CACNA1B: variants seen among roughly 807,000 people sequenced by gnomAD.
The protein encoded by CACNA1B is voltage-dependent N-type calcium channel subunit alpha-1B.
Under a neutral mutation model 247.2 loss-of-function variants are expected in CACNA1B, and 70 were observed. The ratio of observed to expected loss-of-function variants is 0.28; its 90% CI spans 0.23 to 0.35. The LOEUF is 0.35. CACNA1B is among the 10% of genes least tolerant of loss of function. The pLI is 1.00. For synonymous variants in CACNA1B, 1,231 were observed against 1,294.4 expected (o/e 0.95, Z 1.05); for missense variants, 2,367 against 3,197.4 (o/e 0.74, Z 6.26).
rs1019321107 is a variant in CACNA1B, at chr9:138,120,088, C to T, written c.6031-77C>T. On this transcript the variant is annotated intron_variant, in intron 44 of 46. Transcript: ENST00000371372. The stretch of plus-strand genomic sequence containing the variant: ...TGTGGGCCTGCTGTCTGGCCTGCTC[C>T]ACCACCCACTTCCATGCCTGCATTC... 199 of 1,268,896 alleles carry T rather than the reference C, an allele frequency of 1.6e-4. 1 individual carries two copies. In the East Asian group the frequency reaches 5.0e-3, roughly 32 times the overall value. The allele number at this position is 1,268,896 out of a possible 1,614,324, so 78.6% of individuals were successfully genotyped here. A position where few individuals can be genotyped will look rare whatever the true frequency, so the allele number is the denominator to read the frequency against.
At chr9:138,006,641 T>TGTGC in intron 15 of CACNA1B, 126 bp from the exon 16 acceptor site, 1 of 656,328 alleles carries the variant, frequency 1.5e-6, no homozygotes, top group Admixed American at 2.2e-5. Context: ...AAGACCTGGA[T>TGTGC]GTGCATGTGT....
intron 3 of CACNA1B, among the ~76,000 whole-genome samples, chr9:137,898,589 T>C (rs983413548): frequency 1.3e-5 from 2 of 152,116 alleles, no homozygotes; most frequent in Non-Finnish European, 2.9e-5. Context: ...TGCTGCAGCC[T>C]CCACCTTCCA....
At position 137,922,159 on chromosome 9, in the gene CACNA1B, A is replaced by G. The variant is rs182309208; in HGVS notation, c.966+4728A>G. The stretch of plus-strand genomic sequence containing the variant: ...GTAAAGTGCTCGGAGAACATGATCA[A>G]CACCACACCGCACAGCATCCTGGGA... On this transcript the variant is annotated intron_variant, in intron 6 of 46. Coordinates refer to ENST00000371372, the MANE Select transcript of CACNA1B (RefSeq NM_000718.4). Among the ~76,000 whole-genome samples the G allele has an allele frequency of 2.0e-3, 232 of 114,386 alleles. 1 individual carries two copies. The highest frequency in any genetic ancestry group is 4.8e-3 in the Admixed American group (48 of 9,910). The allele number at this position is 114,386 out of a possible 152,430, so 75.0% of individuals were successfully genotyped here.
Position 138,011,111 on chromosome 9 carries a change from C to T in CACNA1B, c.2160+1034C>T, listed in dbSNP as rs1958718804. 6.6e-6 allele frequency among the ~76,000 whole-genome samples: 1 copy of T among 152,222 alleles called. No individual in the cohort carries two copies. Among genetic ancestry groups the T allele is most frequent in the African/African-American group, 2.4e-5 (1 of 41,454 alleles). On this transcript the variant is annotated intron_variant, in intron 17 of 46. Transcript: ENST00000371372. The surrounding 1 kb of genome is among the most constrained non-coding windows in gnomAD (Gnocchi z 4.2). ...CCTATGCCTAGGGGCCCGGATTCCT[C>T]CCTGGCGCTCTGGTTTCTGGCTTCT...
Position 138,102,918 on chromosome 9 carries a change from G to C in CACNA1B, c.5319+111G>C, listed in dbSNP as rs1046190431. ...TTTCAGGGTGCCCGGCTGTCTGTCT[G>C]CCGCTCTGCTGTGCGCCCCCGGCTG... On this transcript the variant is annotated intron_variant, in intron 38 of 46. Coordinates refer to ENST00000371372, the MANE Select transcript of CACNA1B (RefSeq NM_000718.4). This position sits in a 1 kb window ranked among gnomAD's most constrained non-coding sequence, Gnocchi z 5.4. The C allele has an allele frequency of 3.1e-6, 2 of 655,004 alleles. No individual in the cohort carries two copies. Among genetic ancestry groups the C allele is most frequent in the African/African-American group, 3.6e-5 (2 of 54,810 alleles). 40.6% of individuals were successfully genotyped at this position (655,004 alleles called of 1,614,324 possible). A position where few individuals can be genotyped will look rare whatever the true frequency, so the allele number is the denominator to read the frequency against.
intron 11 of CACNA1B, among the ~76,000 whole-genome samples, chr9:137,972,628 G>C (rs1958167366): frequency 6.6e-6 from 1 of 152,202 alleles, no homozygotes; most frequent in South Asian, 2.1e-4. Flanking sequence ...GGAGTGTGAG[G>C]GTTCCCTGAG....
intron 12 of CACNA1B, among the ~76,000 whole-genome samples, chr9:137,978,290 G>A (rs1958250629): frequency 7.1e-6 from 1 of 141,808 alleles, no homozygotes; most frequent in Non-Finnish European, 1.5e-5. Context: ...ACAGGTGGGA[G>A]CACTGCCCCC....
At chr9:138,047,525 C>A in intron 23 of CACNA1B, 67 bp downstream of exon 23, 2 of 1,135,878 alleles carry the variant, frequency 1.8e-6, no homozygotes, top group Non-Finnish European at 2.7e-6. Flanking sequence ...TGAGATGGGA[C>A]CAGGGCAGTG....
At position 137,954,505 on chromosome 9, in the gene CACNA1B, G is replaced by A. The variant is rs1437215340; in HGVS notation, c.1071-1193G>A. Among the ~76,000 whole-genome samples, 3 of 152,170 alleles carry A rather than the reference G, an allele frequency of 2.0e-5. No homozygotes were observed. Among genetic ancestry groups the A allele is most frequent in the Non-Finnish European group, 2.9e-5 (2 of 68,012 alleles). On this transcript the variant is annotated intron_variant, in intron 7 of 46. Coordinates refer to ENST00000371372, the MANE Select transcript of CACNA1B (RefSeq NM_000718.4). This position sits in a 1 kb window ranked among gnomAD's most constrained non-coding sequence, Gnocchi z 4.1. ...GCTCTGTGGAGGGGGCCAGACTGCT[G>A]GGGGGAGTTGCTGCTGGGAGCTCTC...
chr9:138,059,520 G>T lies in CACNA1B; in HGVS notation c.4585-134G>T. 1 of 670,200 alleles carries T rather than the reference G, an allele frequency of 1.5e-6. No homozygotes were observed. The highest frequency in any genetic ancestry group is 2.7e-6 in the Non-Finnish European group (1 of 372,088). The allele number at this position is 670,200 out of a possible 1,614,324, so 41.5% of individuals were successfully genotyped here. A position where few individuals can be genotyped will look rare whatever the true frequency, so the allele number is the denominator to read the frequency against. ...TCTGGCCTTGTGCTGTGCCCCCTGG[G>T]GTGGCCTGTCTGCCCTGTGCTCAGG... On this transcript the variant is annotated intron_variant, in intron 30 of 46. Coordinates refer to ENST00000371372, the MANE Select transcript of CACNA1B (RefSeq NM_000718.4). The surrounding 1 kb of genome is among the most constrained non-coding windows in gnomAD (Gnocchi z 4.2).
intron 43 of CACNA1B, among the ~76,000 whole-genome samples, chr9:138,118,290 G>C (rs1206844752): frequency 3.2e-5 from 2 of 63,152 alleles, no homozygotes; most frequent in African/African-American, 1.4e-4. Context: ...ACTGGGGTGG[G>C]GGATGTGTGA....
chr9:137,924,041 C>G (rs1373517709), intron 6 of CACNA1B, among the ~76,000 whole-genome samples: 2 of 152,094 alleles, frequency 1.3e-5, no homozygotes, highest in African/African-American at 2.4e-5. Flanking sequence ...CAAATATTTT[C>G]TCCTAGTCAG....
Position 137,939,853 on chromosome 9 carries a change from A to AAAT in CACNA1B, c.967-12419_967-12418insTAA, listed in dbSNP as rs1957712176. Among the ~76,000 whole-genome samples the AAAT allele has an allele frequency of 3.5e-5, 5 of 144,198 alleles. No homozygotes were observed. The East Asian group carries it at 6.0e-4, about 17-fold the overall frequency. The allele number at this position is 144,198 out of a possible 152,430, so 94.6% of individuals were successfully genotyped here. A position where few individuals can be genotyped will look rare whatever the true frequency, so the allele number is the denominator to read the frequency against. ...AAATAAATAAATAAATAAATAAAAA[A>AAAT]AAATAAAATTCTTCGAACTGAATGA... On this transcript the variant is annotated intron_variant, in intron 6 of 46. Transcript: ENST00000371372.
intron 11 of CACNA1B, among the ~76,000 whole-genome samples, chr9:137,972,239 CAT>C (rs1395050064): frequency 2.0e-5 from 3 of 148,326 alleles, no homozygotes; most frequent in African/African-American, 7.6e-5. Context: ...TGGAATACAG[CAT>C]TGCTCTGTGG....
At chr9:137,949,957 T>C (rs966194544) in intron 6 of CACNA1B, among the ~76,000 whole-genome samples, 11 of 152,194 alleles carry the variant, frequency 7.2e-5, no homozygotes, top group Admixed American at 2.0e-4. Flanking sequence ...ATTGGTGCTC[T>C]TCTTGGTTCT....
Position 138,117,970 on chromosome 9 carries a change from A to G in CACNA1B, c.5802A>G (p.Lys1934=). The part of the protein sequence containing the change: ...GAIQNQESGI[K]ESVSWGTQRT... ...GACAAAACCAAGAGAGTGGCATCAAAGAGTCTGTCTCCTGGGGCACTCAAA... is the reference window on the plus strand; with the variant it reads ...GACAAAACCAAGAGAGTGGCATCAAGGAGTCTGTCTCCTGGGGCACTCAAA... The change falls in exon 43 of 47, where the codon AAA becomes AAG. Residue 1934 remains lysine (K), a synonymous_variant. Transcript: ENST00000371372. The G allele has an allele frequency of 6.3e-7, 1 of 1,590,494 alleles. No homozygotes were observed. The highest frequency in any genetic ancestry group is 8.6e-7 in the Non-Finnish European group (1 of 1,166,016).
chr9:137,918,296 ACT>A (rs1281236780), intron 6 of CACNA1B, among the ~76,000 whole-genome samples: 1 of 147,574 alleles, frequency 6.8e-6, no homozygotes, highest in African/African-American at 2.5e-5. Context: ...CCCACCACCG[ACT>A]CTTGAGCAGA....
chr9:137,927,212 TA>T (rs1425616611), intron 6 of CACNA1B, among the ~76,000 whole-genome samples: 2 of 151,572 alleles, frequency 1.3e-5, no homozygotes, highest in Non-Finnish European at 2.9e-5. Context: ...AATTTTTGTA[TA>T]TGGTGTTAGA....
chr9:137,981,580 A>T (rs1958294082), intron 12 of CACNA1B, among the ~76,000 whole-genome samples: 1 of 152,082 alleles, frequency 6.6e-6, no homozygotes, highest in Non-Finnish European at 1.5e-5. Context: ...GGGTTCAAGC[A>T]ATTTTCCTGC....
Sources: allele counts gnomAD v4.1 joint callset (sites outside exome capture counted in the v4.1 genomes callset), GRCh38; gene constraint gnomAD v4.1.1; non-coding constraint Gnocchi (gnomAD v3.1); transcripts MANE v1.5; gene names NCBI Gene and HGNC (gene_info 2026-07-23, HGNC 2026-07-21).